CADM1: variants seen among roughly 807,000 people sequenced by gnomAD.
CADM1 encodes the protein cell adhesion molecule 1.
CADM1 carries 15 observed loss-of-function variants against 53.1 expected under a neutral mutation model. That is an observed-to-expected ratio of 0.28 (90% CI 0.19 to 0.44). The LOEUF (loss-of-function observed/expected upper bound fraction) is 0.44. CADM1 is among the 20% of genes least tolerant of loss of function. The probability of loss-of-function intolerance (pLI) is 1.00; values close to 1 mark genes in which losing one functional copy is unlikely to be tolerated. For synonymous variants in CADM1, 281 were observed against 243.0 expected (o/e 1.16, Z -1.45); for missense variants, 434 against 611.3 (o/e 0.71, Z 3.06).
chr11:115,411,324 C>A (rs561719585), intron 1 of CADM1, among the ~76,000 whole-genome samples: 1 of 152,198 alleles, frequency 6.6e-6, no homozygotes, highest in South Asian at 2.1e-4. Flanking sequence ...TATTTCAGGC[C>A]CATTTAACAC....
At chr11:115,479,593 A>C (rs895491826) in intron 1 of CADM1, among the ~76,000 whole-genome samples, 1 of 152,206 alleles carries the variant, frequency 6.6e-6, no homozygotes, top group African/African-American at 2.4e-5. Context: ...CATGGCAAAC[A>C]AAATACTTGC....
At chr11:115,473,422 G>A (rs978399426) in intron 1 of CADM1, among the ~76,000 whole-genome samples, 6 of 152,174 alleles carry the variant, frequency 3.9e-5, no homozygotes, top group Non-Finnish European at 8.8e-5. Context: ...TGCCGCCACT[G>A]CACTCCAGCC....
intron 1 of CADM1, among the ~76,000 whole-genome samples, chr11:115,455,703 G>A (rs1442174378): frequency 2.0e-5 from 3 of 152,228 alleles, no homozygotes; most frequent in Admixed American, 6.5e-5. Context: ...AACAAAAAGA[G>A]ACAGTCCCTT....
intron 1 of CADM1, among the ~76,000 whole-genome samples, chr11:115,360,412 C>T (rs1277684259): frequency 6.6e-6 from 1 of 152,130 alleles, no homozygotes; most frequent in Non-Finnish European, 1.5e-5. Context: ...GATAACAGGG[C>T]CTGTACATGA....
intron 8 of CADM1, among the ~76,000 whole-genome samples, chr11:115,202,848 TG>T (rs777244769): frequency 7.0e-6 from 1 of 143,090 alleles, no homozygotes; most frequent in Non-Finnish European, 1.5e-5. Flanking sequence ...AAATATATGG[TG>T]GGTTTTTTTT....
chr11:115,383,729 G>C (rs1946633258), intron 1 of CADM1, among the ~76,000 whole-genome samples: 1 of 152,186 alleles, frequency 6.6e-6, no homozygotes, highest in Non-Finnish European at 1.5e-5. Context: ...TGGAATTTTA[G>C]AGAGTCTCTA....
At chr11:115,184,687 A>C (rs1939462410) in intron 10 of CADM1, among the ~76,000 whole-genome samples, 1 of 152,240 alleles carries the variant, frequency 6.6e-6, no homozygotes, top group Non-Finnish European at 1.5e-5. Flanking sequence ...AGCTGCATTC[A>C]ATTCTAGCAA....
intron 1 of CADM1, among the ~76,000 whole-genome samples, chr11:115,396,192 T>C (rs1946990740): frequency 6.6e-6 from 1 of 152,286 alleles, no homozygotes; most frequent in African/African-American, 2.4e-5. Flanking sequence ...CCTCCACATA[T>C]GTCTGTGAAT....
rs146607228 is a variant in CADM1 at position 115,328,487 on chromosome 11, C to T, written c.125-88067G>A. Among the ~76,000 whole-genome samples the T allele has an allele frequency of 7.9e-5, 12 of 151,186 alleles. No individual in the cohort carries two copies. In the East Asian group the frequency reaches 2.4e-3, roughly 30 times the overall value. ...CCTTCAACAAGTATTTCTTTAGTGC[C>T]TACCATGCACCATGACAGGTGAATC... On this transcript the variant is annotated intron_variant, in intron 1 of 11. Coordinates refer to ENST00000331581, the MANE Select transcript of CADM1 (RefSeq NM_001301043.2).
intron 1 of CADM1, among the ~76,000 whole-genome samples, chr11:115,384,649 T>A (rs889287618): frequency 1.4e-4 from 21 of 152,320 alleles, no homozygotes; most frequent in African/African-American, 4.8e-4. Context: ...CCCTGGATTG[T>A]GTATTGGACA....
intron 1 of CADM1, among the ~76,000 whole-genome samples, chr11:115,367,553 C>T (rs1030560432): frequency 2.6e-5 from 4 of 151,936 alleles, no homozygotes; most frequent in Admixed American, 6.6e-5. Flanking sequence ...AAAGGAGTAA[C>T]GAGAACACGA....
At chr11:115,219,493 A>C (rs772290552) in intron 5 of CADM1, among the ~76,000 whole-genome samples, 3 of 152,204 alleles carry the variant, frequency 2.0e-5, no homozygotes, top group Non-Finnish European at 4.4e-5. Flanking sequence ...GTCTCTTGCC[A>C]GAGAACGTAA....
intron 1 of CADM1, among the ~76,000 whole-genome samples, chr11:115,391,186 G>C (rs1049149329): frequency 6.6e-6 from 1 of 152,152 alleles, no homozygotes; most frequent in Non-Finnish European, 1.5e-5. Context: ...AAAAAAATGA[G>C]TACAATTAGA....
chr11:115,169,619 A>T lies in CADM1; in HGVS notation c.*6855T>A. The T allele has an allele frequency of 2.2e-6, 1 of 456,684 alleles. No individual in the cohort carries two copies. Among genetic ancestry groups the T allele is most frequent in the South Asian group, 1.5e-5 (1 of 64,558 alleles). 28.3% of individuals were successfully genotyped at this position (456,684 alleles called of 1,614,324 possible). The stretch of plus-strand genomic sequence containing the variant: ...TTATTCTGGGAGAGGAGGTTAGAGA[A>T]AACAGGCCTAGAGAGAGGGAGAGAA... On this transcript the variant is annotated 3_prime_UTR_variant, in exon 12 of 12. Transcript: ENST00000331581.
At chr11:115,451,918 G>T (rs763153666) in intron 1 of CADM1, among the ~76,000 whole-genome samples, 5 of 151,638 alleles carry the variant, frequency 3.3e-5, no homozygotes, top group Non-Finnish European at 7.4e-5. Context: ...TGGGGCTGGA[G>T]GGGAAAAAAA....
chr11:115,388,648 T>C (rs758435122), intron 1 of CADM1, among the ~76,000 whole-genome samples: 70 of 152,116 alleles, frequency 4.6e-4, no homozygotes, highest in Non-Finnish European at 9.4e-4. Context: ...ATTATTCTGG[T>C]TGGGAATACA....
At chr11:115,315,191 G>T (rs1019205481) in intron 1 of CADM1, among the ~76,000 whole-genome samples, 5 of 151,580 alleles carry the variant, frequency 3.3e-5, no homozygotes, top group African/African-American at 9.7e-5. Context: ...GGGAGGAAGA[G>T]AAAAAAAAGG....
At chr11:115,303,062 A>G (rs1944273781) in intron 1 of CADM1, among the ~76,000 whole-genome samples, 1 of 152,084 alleles carries the variant, frequency 6.6e-6, no homozygotes, top group Non-Finnish European at 1.5e-5. Flanking sequence ...TGTGGGCTGG[A>G]TTCTACCTCA....
intron 1 of CADM1, among the ~76,000 whole-genome samples, chr11:115,253,691 C>T (rs1349067080): frequency 2.0e-5 from 3 of 152,176 alleles, no homozygotes; most frequent in Non-Finnish European, 4.4e-5. Context: ...CTAATCTACT[C>T]ATCACAGCGG....
Sources: allele counts gnomAD v4.1 joint callset (sites outside exome capture counted in the v4.1 genomes callset), GRCh38; gene constraint gnomAD v4.1.1; transcripts MANE v1.5; gene names NCBI Gene and HGNC (gene_info 2026-07-23, HGNC 2026-07-21).